Variants in KLRG1 observed in about 807,000 individuals in gnomAD.
KLRG1 encodes the protein killer cell lectin like receptor G1.
KLRG1 carries 16 observed loss-of-function variants against 21.8 expected under a neutral mutation model. That is an observed-to-expected ratio of 0.73 (90% CI 0.50 to 1.11). KLRG1 has a LOEUF of 1.11. KLRG1 is among the 50% of genes most tolerant of loss of function. KLRG1 has a pLI of 0.00. For missense variants in KLRG1, 173 were observed against 218.3 expected (o/e 0.79, Z 1.31); for synonymous variants, 69 against 75.9 (o/e 0.91, Z 0.47).
chr12:9,084,649 A>C, the KLRG1 span, among the ~76,000 whole-genome samples: 1 of 152,182 alleles, frequency 6.6e-6, no homozygotes, highest in East Asian at 1.9e-4. Flanking sequence ...AGAAAACAAC[A>C]AAATGGTAGT....
At chr12:9,056,499 A>T in the KLRG1 span, among the ~76,000 whole-genome samples, 1 of 152,094 alleles carries the variant, frequency 6.6e-6, no homozygotes, top group Non-Finnish European at 1.5e-5. Context: ...AAGACTTAGC[A>T]TAATTCTCTC....
the KLRG1 span, chr12:9,196,957 G>T: frequency 7.8e-7 from 1 of 1,284,944 alleles, no homozygotes; most frequent in South Asian, 1.3e-5. Flanking sequence ...TAGTAAAATG[G>T]AGTCTCACTG....
the KLRG1 span, chr12:9,109,466 TTC>T: frequency 7.6e-7 from 1 of 1,323,310 alleles, no homozygotes; most frequent in African/African-American, 1.4e-5. Flanking sequence ...AATTCCTATT[TTC>T]AGGTTCCCTG....
the KLRG1 span, among the ~76,000 whole-genome samples, chr12:9,171,757 C>G: frequency 6.6e-6 from 1 of 152,140 alleles, no homozygotes. Flanking sequence ...TGAAGATTAT[C>G]TATCTGAAAT....
chr12:9,113,637 G>C, the KLRG1 span: 2 of 1,226,356 alleles, frequency 1.6e-6, no homozygotes, highest in Non-Finnish European at 2.3e-6. Context: ...ATCATCATCA[G>C]TTCTACACCA....
the KLRG1 span, chr12:9,093,691 TAGAG>T: frequency 1.3e-5 from 8 of 608,020 alleles, no homozygotes; most frequent in East Asian, 2.2e-4. Flanking sequence ...TCTGATGAAA[TAGAG>T]AGGAAGGAGG....
the KLRG1 span, among the ~76,000 whole-genome samples, chr12:9,193,638 T>A: frequency 1.3e-5 from 2 of 152,200 alleles, no homozygotes; most frequent in African/African-American, 4.8e-5. Flanking sequence ...TAGTCTTTTA[T>A]CACTTCTTTG....
the KLRG1 span, among the ~76,000 whole-genome samples, chr12:9,199,234 G>C: frequency 6.6e-6 from 1 of 152,168 alleles, no homozygotes; most frequent in Non-Finnish European, 1.5e-5. Context: ...TTATGTTTAA[G>C]TCACTTCTAT....
chr12:9,164,344 C>T, the KLRG1 span: 1 of 1,424,032 alleles, frequency 7.0e-7, no homozygotes, highest in Non-Finnish European at 9.6e-7. Flanking sequence ...GTGTGAGATG[C>T]TGCAGTAAAT....
At chr12:9,032,765 A>C in the KLRG1 span, among the ~76,000 whole-genome samples, 1 of 152,170 alleles carries the variant, frequency 6.6e-6, no homozygotes, top group African/African-American at 2.4e-5. Flanking sequence ...AACGTTTCTC[A>C]TGACCAGCTG....
chr12:9,005,101 A>G (rs985099754), intron 3 of KLRG1, among the ~76,000 whole-genome samples: 6 of 152,146 alleles, frequency 3.9e-5, no homozygotes, highest in African/African-American at 1.4e-4. Flanking sequence ...AACTAACACA[A>G]GAACAGAAAA....
At chr12:9,035,602 A>AG in the KLRG1 span, among the ~76,000 whole-genome samples, 1 of 152,090 alleles carries the variant, frequency 6.6e-6, no homozygotes, top group Non-Finnish European at 1.5e-5. Context: ...TAAAAAAAAA[A>AG]AAAAAAGACA....
the KLRG1 span, chr12:9,169,763 A>G: frequency 7.4e-6 from 4 of 541,344 alleles, no homozygotes; most frequent in African/African-American, 7.9e-5. Flanking sequence ...TTGTTTTGTT[A>G]TAAAGAAATG....
At chr12:9,113,202 GTCATGCATTGC>G in the KLRG1 span, among the ~76,000 whole-genome samples, 1 of 150,468 alleles carries the variant, frequency 6.6e-6, no homozygotes, top group Non-Finnish European at 1.5e-5. Flanking sequence ...TGGCTGGAGA[GTCATGCATTGC>G]TCCTTAATTT....
At chr12:9,180,348 C>T in the KLRG1 span, among the ~76,000 whole-genome samples, 4 of 152,094 alleles carry the variant, frequency 2.6e-5, no homozygotes, top group African/African-American at 9.7e-5. Context: ...CCAAGGCAAT[C>T]CTAAGCCAAA....
intron 3 of KLRG1, among the ~76,000 whole-genome samples, chr12:9,007,614 A>G (rs1248538983): frequency 6.6e-6 from 1 of 152,130 alleles, no homozygotes; most frequent in Non-Finnish European, 1.5e-5. Flanking sequence ...GTGCTGATGC[A>G]GGGTCCAAGT....
chr12:9,123,322 C>T, the KLRG1 span, among the ~76,000 whole-genome samples: 4 of 152,140 alleles, frequency 2.6e-5, no homozygotes, highest in South Asian at 8.3e-4. Context: ...AAGAGATTAA[C>T]AAAACTGATA....
At chr12:9,113,524 G>A in the KLRG1 span, 3 of 1,613,732 alleles carry the variant, frequency 1.9e-6, no homozygotes, top group African/African-American at 1.3e-5. Flanking sequence ...AGCAGGGAGG[G>A]GACCAGAACC....
At chr12:9,200,923 C>T in the KLRG1 span, 9 of 1,613,870 alleles carry the variant, frequency 5.6e-6, no homozygotes, top group Non-Finnish European at 7.6e-6. Flanking sequence ...GGTGCTGTAT[C>T]CTTCCACCTG....
Sources: allele counts gnomAD v4.1 joint callset (sites outside exome capture counted in the v4.1 genomes callset), GRCh38; gene constraint gnomAD v4.1.1; transcripts MANE v1.5; gene names NCBI Gene and HGNC (gene_info 2026-07-23, HGNC 2026-07-21).